Variants in ALDH1A2 observed in about 807,000 individuals in gnomAD.
The protein encoded by ALDH1A2 is retinal dehydrogenase 2.
A neutral mutation model predicts 60.3 loss-of-function variants in ALDH1A2; 27 were observed. That is an observed-to-expected ratio of 0.45 (90% CI 0.33 to 0.62). The LOEUF (loss-of-function observed/expected upper bound fraction) is 0.62, where lower values mean the gene tolerates loss of function less well. Ranked by LOEUF, ALDH1A2 falls within the 20% of genes least tolerant of loss-of-function variation. ALDH1A2 has a pLI of 0.02. For missense variants in ALDH1A2, 581 were observed against 643.8 expected, an observed-to-expected ratio of 0.90 and a Z score of 1.06; for synonymous variants, 289 against 232.4, an observed-to-expected ratio of 1.24 and a Z score of -2.21.
intron 1 of ALDH1A2, among the ~76,000 whole-genome samples, chr15:58,041,373 G>A (rs968753850): frequency 3.3e-5 from 5 of 151,916 alleles, no homozygotes; most frequent in Non-Finnish European, 7.4e-5. Context: ...CATAAAATGA[G>A]GAGCATGATA....
chr15:58,041,407 C>G (rs1260577588), intron 1 of ALDH1A2, among the ~76,000 whole-genome samples: 1 of 151,864 alleles, frequency 6.6e-6, no homozygotes. Context: ...GGATCTAAGT[C>G]TCTCCCTCGC....
At chr15:58,019,304 C>T (rs1895862541) in intron 1 of ALDH1A2, among the ~76,000 whole-genome samples, 1 of 151,902 alleles carries the variant, frequency 6.6e-6, no homozygotes, top group Admixed American at 6.5e-5. Context: ...ATAAAATAAG[C>T]CACTCAAGCT....
In ALDH1A2 at chr15:58,014,150, G is replaced by A. The variant is rs113958096; in HGVS notation, c.222+27C>T. ...CTGTTTGAAGGCAGTTATTTCATAGGAAATCTTTTATCTACAAAAGACATA... is the reference window on the plus strand; with the variant it reads ...CTGTTTGAAGGCAGTTATTTCATAGAAAATCTTTTATCTACAAAAGACATA... On this transcript the variant is annotated intron_variant, in intron 2 of 12. Transcript: ENST00000249750. The A allele has an allele frequency of 4.6e-3, 7,378 of 1,614,058 alleles. 32 individuals carry two copies. Among genetic ancestry groups the A allele is most frequent in the Middle Eastern group, 9.2e-3 (56 of 6,058 alleles).
intron 7 of ALDH1A2, among the ~76,000 whole-genome samples, chr15:57,988,087 T>A (rs1380439906): frequency 1.3e-5 from 2 of 152,120 alleles, no homozygotes; most frequent in Non-Finnish European, 2.9e-5. Flanking sequence ...AAACAGACAA[T>A]AATTTTGTAT....
intron 7 of ALDH1A2, among the ~76,000 whole-genome samples, chr15:57,973,347 C>T (rs970104765): frequency 1.3e-5 from 2 of 152,110 alleles, no homozygotes; most frequent in South Asian, 2.1e-4. Context: ...TTTCTAAAGG[C>T]CTTTTGCTTT....
chr15:57,992,840 A>G (rs543117696), intron 6 of ALDH1A2, 22 bp from the exon 7 acceptor site: 1 of 1,614,002 alleles, frequency 6.2e-7, no homozygotes, highest in South Asian at 1.1e-5. Flanking sequence ...GAACAGGAGG[A>G]AACGTGGCTG....
chr15:57,963,801 C>A, intron 9 of ALDH1A2, 84 bp downstream of exon 9: 1 of 1,450,668 alleles, frequency 6.9e-7, no homozygotes. Flanking sequence ...GAAGATGTCG[C>A]TTTGCTGGGA....
intron 1 of ALDH1A2, among the ~76,000 whole-genome samples, chr15:58,025,091 ATAAAT>A (rs1460922404): frequency 6.6e-6 from 1 of 152,158 alleles, no homozygotes; most frequent in East Asian, 1.9e-4. Context: ...TAGAAAGATT[ATAAAT>A]TAATAATCTT....
chr15:58,064,910 T>C (rs146856712), intron 1 of ALDH1A2, among the ~76,000 whole-genome samples: 1,828 of 152,116 alleles, frequency 0.012, 44 homozygotes, highest in African/African-American at 0.04. Flanking sequence ...CTAACAAATA[T>C]TAAAACTTTT....
At chr15:57,997,017 C>A (rs1208901543) in intron 4 of ALDH1A2, among the ~76,000 whole-genome samples, 4 of 151,950 alleles carry the variant, frequency 2.6e-5, no homozygotes, top group Non-Finnish European at 5.9e-5. Context: ...AAAGATTTTT[C>A]CCCAATCTGC....
intron 7 of ALDH1A2, among the ~76,000 whole-genome samples, chr15:57,981,289 A>ACAC (rs1894495645): frequency 7.0e-6 from 1 of 142,044 alleles, no homozygotes; most frequent in Non-Finnish European, 1.5e-5. Context: ...TAGAAGAGCA[A>ACAC]ACACACACAC....
chr15:58,040,495 T>C (rs958486536), intron 1 of ALDH1A2, among the ~76,000 whole-genome samples: 3 of 151,916 alleles, frequency 2.0e-5, no homozygotes, highest in Non-Finnish European at 4.4e-5. Context: ...ACCATTTCAT[T>C]TCATCTAGAT....
At chr15:57,957,797 C>CTGTT (rs1414569542) in intron 12 of ALDH1A2, among the ~76,000 whole-genome samples, 2 of 152,082 alleles carry the variant, frequency 1.3e-5, no homozygotes, top group African/African-American at 2.4e-5. Flanking sequence ...GTAAGAGTTT[C>CTGTT]TGTTTAGGGT....
At chr15:57,960,935 T>C in intron 11 of ALDH1A2, 91 bp from the exon 12 acceptor site, 1 of 1,414,016 alleles carries the variant, frequency 7.1e-7, no homozygotes, top group East Asian at 2.3e-5. Context: ...GTTTTATTTT[T>C]AAATTCCTTT....
intron 7 of ALDH1A2, among the ~76,000 whole-genome samples, chr15:57,967,299 T>C (rs760196496): frequency 6.6e-5 from 10 of 152,108 alleles, no homozygotes; most frequent in Non-Finnish European, 1.3e-4. Context: ...TTCAGAATTA[T>C]ATTTTGAGGA....
intron 1 of ALDH1A2, among the ~76,000 whole-genome samples, chr15:58,049,832 C>A (rs1457545377): frequency 4.6e-5 from 7 of 152,046 alleles, no homozygotes; most frequent in Admixed American, 2.6e-4. Flanking sequence ...TATGTACCCC[C>A]CTGTCTTGAA....
chr15:58,061,624 A>AAAAAAAAC (rs1897041037), intron 1 of ALDH1A2, among the ~76,000 whole-genome samples: 1 of 150,024 alleles, frequency 6.7e-6, no homozygotes, highest in East Asian at 1.9e-4. Context: ...AAAAAAAAAA[A>AAAAAAAAC]AACGGAACAA....
chr15:58,045,658 A>G (rs1196542518), intron 1 of ALDH1A2, among the ~76,000 whole-genome samples: 1 of 151,968 alleles, frequency 6.6e-6, no homozygotes, highest in Non-Finnish European at 1.5e-5. Context: ...AAAACCAAAC[A>G]CCGCATATTC....
intron 1 of ALDH1A2, among the ~76,000 whole-genome samples, chr15:58,034,548 G>A (rs1296327042): frequency 2.6e-5 from 4 of 151,686 alleles, no homozygotes; most frequent in African/African-American, 7.3e-5. Flanking sequence ...CCCAGTCATA[G>A]TGGGAAAGCA....
Sources: gnomAD v4.1 joint callset for allele counts (sites outside exome capture counted in the v4.1 genomes callset) on GRCh38, gnomAD v4.1.1 for gene constraint, MANE v1.5 for transcripts, NCBI Gene and HGNC (gene_info 2026-07-23, HGNC 2026-07-21) for gene names.